ZBBX: variants seen among roughly 807,000 people sequenced by gnomAD.
ZBBX encodes zinc finger B-box domain containing.
Under a neutral mutation model 108.5 loss-of-function variants are expected in ZBBX, and 101 were observed. The observed-to-expected ratio is 0.93, with a 90% CI of 0.79 to 1.10. ZBBX has a LOEUF of 1.10. ZBBX is among the 50% of genes least tolerant of loss of function. The pLI is 0.00. For missense variants in ZBBX, 1,009 were observed against 941.4 expected, an observed-to-expected ratio of 1.07 and a Z score of -0.94; for synonymous variants, 356 against 323.4, an observed-to-expected ratio of 1.10 and a Z score of -1.08.
the ZBBX span, among the ~76,000 whole-genome samples, chr3:167,223,618 C>G: frequency 5.9e-5 from 9 of 151,984 alleles, no homozygotes; most frequent in Admixed American, 5.9e-4. Flanking sequence ...TTTTAACTTT[C>G]CATTAACACT....
At chr3:167,322,931 A>C (rs1290575160) in intron 11 of ZBBX, among the ~76,000 whole-genome samples, 1 of 152,082 alleles carries the variant, frequency 6.6e-6, no homozygotes, top group Admixed American at 6.6e-5. Flanking sequence ...TTATAAACTA[A>C]GGCTAGAGGG....
the ZBBX span, among the ~76,000 whole-genome samples, chr3:167,197,028 T>C: frequency 1.3e-4 from 20 of 152,040 alleles, no homozygotes; most frequent in Admixed American, 1.2e-3. Flanking sequence ...ATCAAGCAAA[T>C]ATTGACATAC....
At chr3:167,348,324 GAAAGAA>G (rs1560163037) in intron 9 of ZBBX, among the ~76,000 whole-genome samples, 14 of 78,468 alleles carry the variant, frequency 1.8e-4, no homozygotes, top group African/African-American at 3.0e-4. Context: ...GAGAAAGAAA[GAAAGAA>G]AGAAAGAAAG....
At chr3:167,241,827 T>C (rs1720731477) in intron 21 of ZBBX, among the ~76,000 whole-genome samples, 1 of 152,230 alleles carries the variant, frequency 6.6e-6, no homozygotes, top group South Asian at 2.1e-4. Flanking sequence ...CAGTATCAGA[T>C]TTCAATTAAA....
At chr3:167,182,817 T>C in the ZBBX span, among the ~76,000 whole-genome samples, 1 of 140,876 alleles carries the variant, frequency 7.1e-6, no homozygotes, top group Non-Finnish European at 1.6e-5. Context: ...TTGGTCCATA[T>C]TGATTAATAG....
intron 1 of ZBBX, among the ~76,000 whole-genome samples, chr3:167,404,837 G>A (rs1748534653): frequency 6.6e-6 from 1 of 152,176 alleles, no homozygotes; most frequent in South Asian, 2.1e-4. Context: ...TGGAGAGACA[G>A]AGAAAAGGTT....
chr3:167,322,372 G>A, intron 11 of ZBBX, 135 bp from the exon 12 acceptor site: 1 of 658,530 alleles, frequency 1.5e-6, no homozygotes, highest in Non-Finnish European at 2.2e-6. Context: ...AATAGGTTAA[G>A]GTTTAAATAA....
intron 14 of ZBBX, 56 bp downstream of exon 14, chr3:167,316,949 C>T (rs1735559635): frequency 1.1e-5 from 11 of 995,880 alleles, no homozygotes; most frequent in Middle Eastern, 4.3e-4. Flanking sequence ...TGTAAGTATA[C>T]ATTATGAATT....
intron 19 of ZBBX, among the ~76,000 whole-genome samples, chr3:167,288,615 C>A (rs1730134169): frequency 6.6e-6 from 1 of 152,082 alleles, no homozygotes; most frequent in African/African-American, 2.4e-5. Flanking sequence ...CTACATTTTG[C>A]AAATATTATT....
In ZBBX at chr3:167,260,023, C is replaced by T. The variant is rs559602338; in HGVS notation, c.2255-17380G>A. On this transcript the variant is annotated intron_variant, in intron 20 of 21. Coordinates refer to ENST00000675490, the MANE Select transcript of ZBBX (RefSeq NM_001199201.2). ...TTTTTAGCAGTTCTTATAGTGGTGG[C>T]TTGGTAATGGTGAATTCTCTCAGCA... Among the ~76,000 whole-genome samples, 3 of 152,144 alleles carry T rather than the reference C, an allele frequency of 2.0e-5. No individual in the cohort carries two copies. In the East Asian group the frequency reaches 5.8e-4, roughly 29 times the overall value.
At chr3:167,407,558 A>T (rs958372896) in intron 1 of ZBBX, among the ~76,000 whole-genome samples, 1 of 152,104 alleles carries the variant, frequency 6.6e-6, no homozygotes, top group African/African-American at 2.4e-5. Context: ...ACAAAATGTC[A>T]ATTAACACGT....
the ZBBX span, among the ~76,000 whole-genome samples, chr3:167,213,566 A>T: frequency 6.6e-6 from 1 of 152,200 alleles, no homozygotes; most frequent in African/African-American, 2.4e-5. Context: ...ATATCTATGA[A>T]TCACTGGCAC....
At chr3:167,334,522 T>G (rs1739228273) in intron 9 of ZBBX, among the ~76,000 whole-genome samples, 1 of 151,902 alleles carries the variant, frequency 6.6e-6, no homozygotes, top group Non-Finnish European at 1.5e-5. Context: ...TGCAGCAAGC[T>G]GAGATCAAGC....
the ZBBX span, among the ~76,000 whole-genome samples, chr3:167,224,112 A>T: frequency 6.6e-6 from 1 of 151,956 alleles, no homozygotes; most frequent in Admixed American, 6.6e-5. Context: ...GCAGTCCATT[A>T]TTCCCATATC....
the ZBBX span, among the ~76,000 whole-genome samples, chr3:167,215,224 G>T: frequency 6.6e-6 from 1 of 151,246 alleles, no homozygotes. Context: ...TGTAAAATAG[G>T]CCACTAGCTA....
chr3:167,364,206 A>AAAC (rs778688766), intron 6 of ZBBX, among the ~76,000 whole-genome samples: 8 of 151,792 alleles, frequency 5.3e-5, no homozygotes, highest in African/African-American at 1.9e-4. Context: ...AAATACGCAA[A>AAAC]AACAACAACA....
At chr3:167,300,802 G>A (rs978350956) in intron 17 of ZBBX, among the ~76,000 whole-genome samples, 1 of 151,804 alleles carries the variant, frequency 6.6e-6, no homozygotes, top group Admixed American at 6.6e-5. Flanking sequence ...ATTTTTAATA[G>A]AGACAGGGTT....
chr3:167,355,366 G>A (rs780944699), intron 8 of ZBBX, among the ~76,000 whole-genome samples: 17 of 151,788 alleles, frequency 1.1e-4, no homozygotes, highest in Non-Finnish European at 2.2e-4. Flanking sequence ...ACTGTTATCC[G>A]TAGTAACCTA....
Position 167,242,534 on chromosome 3 carries a change from C to CTTAAGG in ZBBX, c.2363_2364insCCTTAA (p.Val788_Arg789insLeuLys), listed in dbSNP as rs1444953058. ...ATTCCTCAACTCCACAGGGACCCCT[C>CTTAAGG]ACATGTGAGGTCTTAAGGAAATCTG... On this transcript the variant is annotated inframe_insertion, in exon 21 of 22. Coordinates refer to ENST00000675490, the MANE Select transcript of ZBBX (RefSeq NM_001199201.2). 1 of 1,612,694 alleles carries CTTAAGG rather than the reference C, an allele frequency of 6.2e-7. No individual in the cohort carries two copies. Among genetic ancestry groups the CTTAAGG allele is most frequent in the East Asian group, 2.2e-5 (1 of 44,794 alleles).
Sources: allele counts gnomAD v4.1 joint callset (sites outside exome capture counted in the v4.1 genomes callset), GRCh38; gene constraint gnomAD v4.1.1; transcripts MANE v1.5; gene names NCBI Gene and HGNC (gene_info 2026-07-23, HGNC 2026-07-21).